Variants in STEAP2 observed in about 807,000 individuals in gnomAD.
STEAP2 encodes the protein STEAP2 metalloreductase.
Under a neutral mutation model 46.4 loss-of-function variants are expected in STEAP2, and 30 were observed. The ratio of observed to expected loss-of-function variants is 0.65; its 90% CI spans 0.48 to 0.88. STEAP2 has a LOEUF of 0.88. Ranked by LOEUF, STEAP2 falls within the 40% of genes least tolerant of loss-of-function variation. STEAP2 has a pLI of 0.00. For missense variants in STEAP2, 513 were observed against 579.3 expected, an observed-to-expected ratio of 0.89 and a Z score of 1.18; for synonymous variants, 180 against 200.5, an observed-to-expected ratio of 0.90 and a Z score of 0.86.
At chr7:90,220,718 G>A (rs1795221784) in intron 2 of STEAP2, among the ~76,000 whole-genome samples, 2 of 152,066 alleles carry the variant, frequency 1.3e-5, no homozygotes, top group Non-Finnish European at 2.9e-5. Context: ...ACATCATTAA[G>A]TTGTTTATTT....
At chr7:90,215,805 T>C (rs1312119480) in intron 1 of STEAP2, 1 of 152,300 alleles carries the variant, frequency 6.6e-6, no homozygotes, top group East Asian at 1.9e-4. Flanking sequence ...TTGTTTTTGT[T>C]TTGAGGCTGA....
At chr7:90,240,278 C>G (rs1249196068), downstream of STEAP2, among the ~76,000 whole-genome samples, 1 of 28,768 alleles carries the variant, frequency 3.5e-5, no homozygotes, top group Non-Finnish European at 5.3e-5. The surrounding 1 kb of genome is among the most constrained non-coding windows in gnomAD (Gnocchi z 4.1). Flanking sequence ...GAGACCCTGT[C>G]TCAAAAAAAA....
At chr7:90,225,780 G>A (rs1390764006) in intron 3 of STEAP2, among the ~76,000 whole-genome samples, 1 of 152,080 alleles carries the variant, frequency 6.6e-6, no homozygotes, top group Non-Finnish European at 1.5e-5. Context: ...GGAAAATAAC[G>A]TGAAAGTCAT....
intron 2 of STEAP2, among the ~76,000 whole-genome samples, chr7:90,223,708 A>T (rs1042254598): frequency 6.6e-6 from 1 of 152,210 alleles, no homozygotes; most frequent in Non-Finnish European, 1.5e-5. Flanking sequence ...AAGATCATAA[A>T]CATGTTACTA....
At chr7:90,217,142 AT>A in intron 2 of STEAP2, among the ~76,000 whole-genome samples, 1 of 152,326 alleles carries the variant, frequency 6.6e-6, no homozygotes, top group African/African-American at 2.4e-5. Context: ...AAATTGATAC[AT>A]GTTACATATC....
chr7:90,226,759 C>A (rs1795503295), intron 3 of STEAP2, among the ~76,000 whole-genome samples: 1 of 152,126 alleles, frequency 6.6e-6, no homozygotes, highest in Non-Finnish European at 1.5e-5. Flanking sequence ...AATAGTAGCT[C>A]ACTCCAGTAA....
At chr7:90,237,979 A>G, downstream of STEAP2, 1 of 695,534 alleles carries the variant, frequency 1.4e-6, no homozygotes, top group Non-Finnish European at 2.7e-6. Context: ...TGGATACTAA[A>G]GAGATATTAT....
chr7:90,240,064 GAGTT>G (rs1796043756), downstream of STEAP2, among the ~76,000 whole-genome samples: 1 of 152,126 alleles, frequency 6.6e-6, no homozygotes, highest in Admixed American at 6.5e-5. This position sits in a 1 kb window ranked among gnomAD's most constrained non-coding sequence, Gnocchi z 4.1. Flanking sequence ...TTGAACCCAG[GAGTT>G]CAAGACCAAC....
In STEAP2 at chr7:90,227,144, G is replaced by C; in HGVS notation, c.666G>C (p.Leu222Phe). ...WRGPVVVAIS[L>F]ATFFFLYSFV... The stretch of plus-strand genomic sequence containing the variant: ...GGCCAGTGGTGGTAGCTATAAGCTT[G>C]GCCACATTTTTTTTCCTTTATTCCT... The change falls in exon 4 of 6, where the codon TTG becomes TTC. Residue 222 changes from leucine to phenylalanine, a missense_variant. Transcript: ENST00000394621. 1 of 1,613,662 alleles carries C rather than the reference G, an allele frequency of 6.2e-7. No individual in the cohort carries two copies. The highest frequency in any genetic ancestry group is 8.5e-7 in the Non-Finnish European group (1 of 1,179,852).
chr7:90,237,982 G>A, downstream of STEAP2: 4 of 698,978 alleles, frequency 5.7e-6, no homozygotes, highest in Non-Finnish European at 8.0e-6. Flanking sequence ...ATACTAAAGA[G>A]ATATTATAAT....
intron 2 of STEAP2, among the ~76,000 whole-genome samples, chr7:90,221,932 G>A (rs527725304): frequency 6.6e-6 from 1 of 152,226 alleles, no homozygotes; most frequent in African/African-American, 2.4e-5. Flanking sequence ...AAAAAGTCTT[G>A]ATCATCATGA....
rs1025283203 is a variant in STEAP2 at position 90,235,024 on chromosome 7, A to G, written c.*2400A>G. On this transcript the variant is annotated 3_prime_UTR_variant, in exon 6 of 6. Transcript: ENST00000394621. ...TAATGAAAATAACAGCGTATTTTCA[A>G]TATTTTCTTATTCCTTAAATTCCAC... is the stretch of plus-strand genomic sequence containing the variant. The G allele has an allele frequency of 1.4e-5, 13 of 955,506 alleles. No homozygotes were observed. The African/African-American group carries it at 1.9e-4, about 14-fold the overall frequency. The allele number at this position is 955,506 out of a possible 1,614,324, so 59.2% of individuals were successfully genotyped here.
At chr7:90,229,823 A>C in intron 4 of STEAP2, 49 bp from the exon 5 acceptor site, 2 of 1,589,382 alleles carry the variant, frequency 1.3e-6, no homozygotes, top group Non-Finnish European at 1.7e-6. Flanking sequence ...GTGCTGAATC[A>C]GTTAATGTTC....
intron 2 of STEAP2, among the ~76,000 whole-genome samples, chr7:90,221,215 T>C (rs1277270646): frequency 6.6e-6 from 1 of 152,132 alleles, no homozygotes; most frequent in Admixed American, 6.5e-5. Context: ...TGGCAGGCGG[T>C]GTTGAAGTCC....
chr7:90,240,922 TTCTGTGTTTTTGTGTCATAACAGAAG>T (rs1222209894), downstream of STEAP2, among the ~76,000 whole-genome samples: 4 of 152,214 alleles, frequency 2.6e-5, no homozygotes, highest in African/African-American at 9.6e-5. The surrounding 1 kb of genome is among the most constrained non-coding windows in gnomAD (Gnocchi z 4.1). Context: ...CCTTTCACCC[TTCTGTGTTTTTGTGTCATAACAGAAG>T]AATCACTAAA....
At chr7:90,231,834 T>C (rs953628808) in intron 5 of STEAP2, among the ~76,000 whole-genome samples, 1 of 151,996 alleles carries the variant, frequency 6.6e-6, no homozygotes, top group Non-Finnish European at 1.5e-5. Context: ...TCAGTACCCT[T>C]AAGGAAAAGC....
intron 2 of STEAP2, among the ~76,000 whole-genome samples, chr7:90,221,895 ATGT>A (rs1795271631): frequency 6.6e-6 from 1 of 152,146 alleles, no homozygotes. Flanking sequence ...CAGATAATTA[ATGT>A]TGTTTTGTTT....
Position 90,225,175 on chromosome 7 carries a change from C to G in STEAP2, c.93C>G (p.Val31=). ...ATGGTATCAAAGATGCAAGGAAGGT[C>G]ACTGTAGGTGTGATTGGAAGTGGAG... ...GINGIKDARK[V]TVGVIGSGDF... The change falls in exon 3 of 6, where the codon GTC becomes GTG. Residue 31 remains valine (V), a synonymous_variant. Coordinates refer to ENST00000394621, the MANE Select transcript of STEAP2 (RefSeq NM_001244944.2). 6.2e-7 allele frequency: 1 copy of G among 1,613,888 alleles called. No individual in the cohort carries two copies. Among genetic ancestry groups the G allele is most frequent in the Non-Finnish European group, 8.5e-7 (1 of 1,179,922 alleles).
At position 90,222,843 on chromosome 7, in the gene STEAP2, C is replaced by A. The variant is rs886854285; in HGVS notation, c.-33-2207C>A. Among the ~76,000 whole-genome samples the A allele has an allele frequency of 2.6e-5, 4 of 151,822 alleles. 1 individual carries two copies. In the East Asian group the frequency reaches 7.7e-4, roughly 29 times the overall value. On this transcript the variant is annotated intron_variant, in intron 2 of 5. Coordinates refer to ENST00000394621, the MANE Select transcript of STEAP2 (RefSeq NM_001244944.2). ...ATTTCAAATTTCATTTAGTAAAAACCCCAACTTTTTTTTGAAACATTCCAC... is the reference window on the plus strand; with the variant it reads ...ATTTCAAATTTCATTTAGTAAAAACACCAACTTTTTTTTGAAACATTCCAC...
Sources: gnomAD v4.1 joint callset for allele counts (sites outside exome capture counted in the v4.1 genomes callset) on GRCh38, gnomAD v4.1.1 for gene constraint, Gnocchi (gnomAD v3.1) non-coding constraint, MANE v1.5 for transcripts, NCBI Gene and HGNC (gene_info 2026-07-23, HGNC 2026-07-21) for gene names.